Variants in CLDN12 observed in about 807,000 individuals in gnomAD.
The protein encoded by CLDN12 is claudin 12, also known as claudin-12.
A neutral mutation model predicts 15.5 loss-of-function variants in CLDN12; 9 were observed. That is an observed-to-expected ratio of 0.58 (90% confidence interval 0.35 to 1.02). CLDN12 has a LOEUF of 1.02. Among genes scored for constraint, CLDN12 ranks in the 50% least tolerant of loss-of-function variants. CLDN12 has a pLI of 0.02. For missense variants in CLDN12, 233 were observed against 297.3 expected (o/e 0.78, Z 1.59); for synonymous variants, 140 against 121.6 (o/e 1.15, Z -1.00).
chr7:90,407,692 G>T (rs1047038060), intron 2 of CLDN12, among the ~76,000 whole-genome samples: 10 of 152,156 alleles, frequency 6.6e-5, no homozygotes, highest in African/African-American at 2.2e-4. Context: ...AAGTGCAAAA[G>T]TGCTACCACA....
chr7:90,404,432 G>A (rs768840179), intron 1 of CLDN12, among the ~76,000 whole-genome samples: 8 of 152,082 alleles, frequency 5.3e-5, no homozygotes, highest in Non-Finnish European at 8.8e-5. Context: ...CATCCTACCT[G>A]TTTGAGATAA....
chr7:90,404,278 G>T lies in CLDN12; in HGVS notation c.-167+729G>T, dbSNP rs144485314. Among the ~76,000 whole-genome samples the T allele has an allele frequency of 1.2e-3, 184 of 151,970 alleles. 1 individual carries two copies. Among genetic ancestry groups the T allele is most frequent in the Middle Eastern group, 3.4e-3 (1 of 294 alleles). ...CCAACCCAAGAAACACATTTGGGGC[G>T]GGGGAGGGGTTGGGGGGGACTTGAC... On this transcript the variant is annotated intron_variant, in intron 1 of 3. Coordinates refer to ENST00000496677, the MANE Select transcript of CLDN12 (RefSeq NM_001185072.3).
Position 90,413,324 on chromosome 7 carries a change from T to G in CLDN12, c.648T>G (p.Ser216Arg). The part of the protein sequence containing the change: ...FWQPLYSHPP[S>R]MHTYSQPYSA... ...AACCATTGTACTCCCATCCACCCAG[T>G]ATGCATACTTACTCACAGCCCTATT... is the stretch of plus-strand genomic sequence containing the variant. The change falls in exon 4 of 4, where the codon AGT becomes AGG. Residue 216 changes from serine to arginine, a missense_variant. Transcript: ENST00000496677. The G allele has an allele frequency of 6.2e-7, 1 of 1,614,178 alleles. No individual in the cohort carries two copies. Among genetic ancestry groups the G allele is most frequent in the Non-Finnish European group, 8.5e-7 (1 of 1,180,016 alleles).
Position 90,405,624 on chromosome 7 carries a change from A to G in CLDN12, c.-77+16A>G, listed in dbSNP as rs548104500. 1.3e-5 allele frequency: 2 copies of G among 152,286 alleles called. No homozygotes were observed. Among genetic ancestry groups the G allele is most frequent in the Admixed American group, 1.3e-4 (2 of 15,290 alleles). The allele number at this position is 152,286 out of a possible 1,614,324, so 9.4% of individuals were successfully genotyped here. On this transcript the variant is annotated intron_variant, in intron 2 of 3. Transcript: ENST00000496677. Reference sequence around the variant, plus strand: ...ACCTCAAAGCGTAAGTACGTCCTTTAATTATATCTTATTTCCCTCCCTCCT... The same window carrying G: ...ACCTCAAAGCGTAAGTACGTCCTTTGATTATATCTTATTTCCCTCCCTCCT...
chr7:90,411,718 A>C (rs1015907037), intron 2 of CLDN12, among the ~76,000 whole-genome samples: 4 of 152,036 alleles, frequency 2.6e-5, no homozygotes, highest in African/African-American at 9.7e-5. Context: ...CATTTGACTG[A>C]CTCATTGGAG....
intron 1 of CLDN12, among the ~76,000 whole-genome samples, chr7:90,404,894 T>TA (rs998371003): frequency 2.8e-4 from 43 of 151,954 alleles, no homozygotes; most frequent in African/African-American, 9.9e-4. Context: ...CTTTTTATTT[T>TA]TTTTTTTTTA....
chr7:90,410,638 A>G (rs1235893109), intron 2 of CLDN12, among the ~76,000 whole-genome samples: 1 of 152,124 alleles, frequency 6.6e-6, no homozygotes, highest in Non-Finnish European at 1.5e-5. Context: ...GGAGTTCGAG[A>G]CCAGCCTGGC....
At chr7:90,409,930 A>G (rs12531856) in intron 2 of CLDN12, among the ~76,000 whole-genome samples, 14,906 of 152,252 alleles carry the variant, frequency 0.098, 1,005 homozygotes, top group Non-Finnish European at 0.15. Flanking sequence ...GCATGATGTA[A>G]GTACTTGCTG....
In CLDN12 at chr7:90,414,337, G is replaced by T. The variant is rs1331653911; in HGVS notation, c.*926G>T. The stretch of plus-strand genomic sequence containing the variant: ...GGTGACTGCCTTTTGAGTTATGGGT[G>T]AAGTAAGGTATGGCTTTACCATAAC... On this transcript the variant is annotated 3_prime_UTR_variant, in exon 4 of 4. Transcript: ENST00000496677. 1 of 1,000,218 alleles carries T rather than the reference G, an allele frequency of 1.0e-6. No individual in the cohort carries two copies. Among genetic ancestry groups the T allele is most frequent in the Non-Finnish European group, 1.2e-6 (1 of 829,980 alleles). The allele number at this position is 1,000,218 out of a possible 1,614,324, so 62.0% of individuals were successfully genotyped here.
At position 90,413,646 on chromosome 7, in the gene CLDN12, A is replaced by G; in HGVS notation, c.*235A>G. The stretch of plus-strand genomic sequence containing the variant: ...GGAAGGAATTTTAGCCTTCATATTG[A>G]TATCTAATTAATTATTTAAGTGGAA... On this transcript the variant is annotated 3_prime_UTR_variant, in exon 4 of 4. Coordinates refer to ENST00000496677, the MANE Select transcript of CLDN12 (RefSeq NM_001185072.3). 2 of 1,283,478 alleles carry G rather than the reference A, an allele frequency of 1.6e-6. No individual in the cohort carries two copies. The highest frequency in any genetic ancestry group is 2.0e-6 in the Non-Finnish European group (2 of 1,010,128). The allele number at this position is 1,283,478 out of a possible 1,614,324, so 79.5% of individuals were successfully genotyped here. A position where few individuals can be genotyped will look rare whatever the true frequency, so the allele number is the denominator to read the frequency against.
Position 90,413,443 on chromosome 7 carries a change from C to A in CLDN12, c.*32C>A, listed in dbSNP as rs182726869. 1.3e-3 allele frequency: 2,058 copies of A among 1,593,408 alleles called. 6 individuals carry two copies. Among genetic ancestry groups the A allele is most frequent in the Non-Finnish European group, 1.6e-3 (1,820 of 1,167,768 alleles). Reference sequence around the variant, plus strand: ...AATAGTTAATTGTTAAAGAAAACTTCTTGTAGCCTCACATTCCCCTTGTGC... The same window carrying A: ...AATAGTTAATTGTTAAAGAAAACTTATTGTAGCCTCACATTCCCCTTGTGC... On this transcript the variant is annotated 3_prime_UTR_variant, in exon 4 of 4. Transcript: ENST00000496677.
In CLDN12 at chr7:90,413,419, A is replaced by T. The variant is rs374720515; in HGVS notation, c.*8A>T. 3.7e-5 allele frequency: 60 copies of T among 1,608,226 alleles called. No homozygotes were observed. The African/African-American group carries it at 7.5e-4, about 20-fold the overall frequency. On this transcript the variant is annotated 3_prime_UTR_variant, in exon 4 of 4. Transcript: ENST00000496677. ...GTTTCACACACCACTTAATGGGGAA[A>T]TAGTTAATTGTTAAAGAAAACTTCT...
chr7:90,415,511 C>T lies in CLDN12; in HGVS notation c.*2100C>T, dbSNP rs572884216. 3.6e-5 allele frequency: 6 copies of T among 166,506 alleles called. No homozygotes were observed. In the South Asian group the frequency reaches 1.2e-3, roughly 35 times the overall value. 10.3% of individuals were successfully genotyped at this position (166,506 alleles called of 1,614,324 possible). A position where few individuals can be genotyped will look rare whatever the true frequency, so the allele number is the denominator to read the frequency against. On this transcript the variant is annotated 3_prime_UTR_variant, in exon 4 of 4. Coordinates refer to ENST00000496677, the MANE Select transcript of CLDN12 (RefSeq NM_001185072.3). The stretch of plus-strand genomic sequence containing the variant: ...TAACTTTCCTATAAGAATATTTTGG[C>T]TTTGTAATCTATAGCCTCAAATTGG...
chr7:90,404,039 A>C (rs1206664316), intron 1 of CLDN12, among the ~76,000 whole-genome samples: 3 of 6,272 alleles, frequency 4.8e-4, no homozygotes, highest in South Asian at 4.2e-3. Flanking sequence ...CGGAGGGGGG[A>C]GGAGGGGGGC....
intron 2 of CLDN12, among the ~76,000 whole-genome samples, chr7:90,408,725 G>C (rs1002930081): frequency 6.6e-6 from 1 of 152,038 alleles, no homozygotes; most frequent in African/African-American, 2.4e-5. Flanking sequence ...ATAGGCCTCT[G>C]TCCATCCCTG....
At chr7:90,405,881 C>G (rs1424919031) in intron 2 of CLDN12, 1 of 152,272 alleles carries the variant, frequency 6.6e-6, no homozygotes, top group Non-Finnish European at 1.5e-5. Context: ...GGAAGGATCC[C>G]TTGAGCCCAG....
chr7:90,404,650 C>T (rs997344747), intron 1 of CLDN12, among the ~76,000 whole-genome samples: 1 of 152,058 alleles, frequency 6.6e-6, no homozygotes, highest in Non-Finnish European at 1.5e-5. Flanking sequence ...ACTTCCAAGA[C>T]AACTGCACAG....
Position 90,415,405 on chromosome 7 carries a change from A to G in CLDN12, c.*1994A>G, listed in dbSNP as rs1797053172. On this transcript the variant is annotated 3_prime_UTR_variant, in exon 4 of 4. Coordinates refer to ENST00000496677, the MANE Select transcript of CLDN12 (RefSeq NM_001185072.3). ...TACCATCCCTTGGGTCTTTGTGTATAAACAATGTTAAATAAAGGTAGACTC... is the reference window on the plus strand; with the variant it reads ...TACCATCCCTTGGGTCTTTGTGTATGAACAATGTTAAATAAAGGTAGACTC... 6.0e-6 allele frequency: 1 copy of G among 166,974 alleles called. No individual in the cohort carries two copies. Among genetic ancestry groups the G allele is most frequent in the Admixed American group, 6.5e-5 (1 of 15,286 alleles). 10.3% of individuals were successfully genotyped at this position (166,974 alleles called of 1,614,324 possible). A position where few individuals can be genotyped will look rare whatever the true frequency, so the allele number is the denominator to read the frequency against.
At position 90,413,252 on chromosome 7, in the gene CLDN12, A is replaced by G. The variant is rs779705246; in HGVS notation, c.576A>G (p.Leu192=). The change falls in exon 4 of 4, where the codon CTA becomes CTG. Residue 192 remains leucine (L), a synonymous_variant. Transcript: ENST00000496677. Reference sequence around the variant, plus strand: ...GCCTGTTTATGACTTCCCTTATACTATTTATTTGGTATTGTACATGCAAAT... The same window carrying G: ...GCCTGTTTATGACTTCCCTTATACTGTTTATTTGGTATTGTACATGCAAAT... ...AGGLFMTSLI[L]FIWYCTCKSL... 4 of 1,613,986 alleles carry G rather than the reference A, an allele frequency of 2.5e-6. No homozygotes were observed. The highest frequency in any genetic ancestry group is 3.4e-6 in the Non-Finnish European group (4 of 1,179,978).
Sources: gnomAD v4.1 joint callset for allele counts (sites outside exome capture counted in the v4.1 genomes callset) on GRCh38, gnomAD v4.1.1 for gene constraint, MANE v1.5 for transcripts, NCBI Gene and HGNC (gene_info 2026-07-23, HGNC 2026-07-21) for gene names.